Variants in ZCCHC7 observed in about 807,000 individuals in gnomAD.
ZCCHC7 encodes the protein zinc finger CCHC domain-containing protein 7.
In ZCCHC7, 35 loss-of-function variants were observed where a neutral mutation model predicts 52.0. That is an observed-to-expected ratio of 0.67 (90% CI 0.51 to 0.89). ZCCHC7 has a LOEUF of 0.89. Among genes scored for constraint, ZCCHC7 ranks in the 40% least tolerant of loss-of-function variants. The pLI is 0.00. For synonymous variants in ZCCHC7, 217 were observed against 221.5 expected (o/e 0.98, Z 0.18); for missense variants, 574 against 649.1 (o/e 0.88, Z 1.26).
At chr9:37,267,978 GC>G (rs1485790983) in intron 2 of ZCCHC7, among the ~76,000 whole-genome samples, 1 of 152,122 alleles carries the variant, frequency 6.6e-6, no homozygotes, top group Non-Finnish European at 1.5e-5. Flanking sequence ...ACAGGTGTGA[GC>G]CATTGGGCCC....
At chr9:37,333,314 T>G (rs931478604) in intron 6 of ZCCHC7, among the ~76,000 whole-genome samples, 1 of 151,722 alleles carries the variant, frequency 6.6e-6, no homozygotes, top group Non-Finnish European at 1.5e-5. Flanking sequence ...TACTCACTAG[T>G]CATCATGAAT....
intron 2 of ZCCHC7, among the ~76,000 whole-genome samples, chr9:37,292,745 T>C (rs1265693961): frequency 1.3e-5 from 2 of 152,206 alleles, no homozygotes; most frequent in Admixed American, 1.3e-4. Flanking sequence ...GTTTCTTACA[T>C]GGTATTTTAG....
chr9:37,184,570 A>G (rs1014058112), intron 2 of ZCCHC7, among the ~76,000 whole-genome samples: 14 of 152,138 alleles, frequency 9.2e-5, no homozygotes, highest in Non-Finnish European at 1.9e-4. Context: ...GGTATCAGTA[A>G]GGAAATACAT....
At chr9:37,208,306 G>A (rs1440260114) in intron 2 of ZCCHC7, among the ~76,000 whole-genome samples, 1 of 152,028 alleles carries the variant, frequency 6.6e-6, no homozygotes, top group East Asian at 1.9e-4. Context: ...GGCTGGTCTT[G>A]AACTCCTGAG....
intron 5 of ZCCHC7, 105 bp from the exon 6 acceptor site, chr9:37,327,694 A>G: frequency 1.6e-6 from 2 of 1,239,908 alleles, no homozygotes; most frequent in East Asian, 4.7e-5. Flanking sequence ...TAAGCTTCTT[A>G]TTTTCCTGTG....
intron 2 of ZCCHC7, among the ~76,000 whole-genome samples, chr9:37,190,847 T>A (rs1822979901): frequency 6.6e-6 from 1 of 151,924 alleles, no homozygotes; most frequent in Non-Finnish European, 1.5e-5. Context: ...GGAAAAACCC[T>A]GTCTCTACTA....
intron 2 of ZCCHC7, among the ~76,000 whole-genome samples, chr9:37,133,187 A>G (rs1343398846): frequency 6.6e-6 from 1 of 152,126 alleles, no homozygotes; most frequent in Non-Finnish European, 1.5e-5. Context: ...AAGTTTACGA[A>G]TTTGTGTTGG....
At chr9:37,346,319 A>G (rs1820970375) in intron 6 of ZCCHC7, among the ~76,000 whole-genome samples, 1 of 152,164 alleles carries the variant, frequency 6.6e-6, no homozygotes, top group South Asian at 2.1e-4. Flanking sequence ...AGATTTTTAT[A>G]ACCTATTTAT....
chr9:37,133,191 G>A (rs184842512), intron 2 of ZCCHC7, among the ~76,000 whole-genome samples: 49 of 152,222 alleles, frequency 3.2e-4, no homozygotes, highest in African/African-American at 1.2e-3. Context: ...TTACGAATTT[G>A]TGTTGGGCCA....
At chr9:37,281,631 T>C (rs1400359176) in intron 2 of ZCCHC7, among the ~76,000 whole-genome samples, 1 of 152,236 alleles carries the variant, frequency 6.6e-6, no homozygotes, top group African/African-American at 2.4e-5. Flanking sequence ...TTGAATCTCA[T>C]TTTGAGAGAT....
At chr9:37,210,252 G>C (rs530655633) in intron 2 of ZCCHC7, among the ~76,000 whole-genome samples, 1 of 152,090 alleles carries the variant, frequency 6.6e-6, no homozygotes, top group Non-Finnish European at 1.5e-5. Flanking sequence ...TGTGACTGCT[G>C]GCTGCCACTT....
At chr9:37,241,747 C>T (rs1825882439) in intron 2 of ZCCHC7, among the ~76,000 whole-genome samples, 1 of 151,638 alleles carries the variant, frequency 6.6e-6, no homozygotes, top group Non-Finnish European at 1.5e-5. Context: ...TCCTGAGTGC[C>T]CAGTGAGATA....
At chr9:37,186,820 A>G in intron 2 of ZCCHC7, 1 of 404,750 alleles carries the variant, frequency 2.5e-6, no homozygotes, top group East Asian at 3.7e-5. Context: ...GCACTTTTTC[A>G]AAGAATTTGT....
intron 2 of ZCCHC7, among the ~76,000 whole-genome samples, chr9:37,290,357 C>T (rs1449366014): frequency 6.6e-6 from 1 of 151,984 alleles, no homozygotes; most frequent in Non-Finnish European, 1.5e-5. Flanking sequence ...GTGTTTCTAA[C>T]TATTTGTAAG....
At chr9:37,198,478 T>C (rs2133142644) in intron 2 of ZCCHC7, among the ~76,000 whole-genome samples, 1 of 152,358 alleles carries the variant, frequency 6.6e-6, no homozygotes, top group African/African-American at 2.4e-5. Context: ...CAACTTGCTG[T>C]TATCCCTTCC....
chr9:37,278,616 G>A (rs988615150), intron 2 of ZCCHC7, among the ~76,000 whole-genome samples: 3 of 152,162 alleles, frequency 2.0e-5, no homozygotes, highest in East Asian at 3.8e-4. Context: ...CCCACATTTA[G>A]TGAAAGATGT....
chr9:37,178,399 T>A (rs1036315036), intron 2 of ZCCHC7, among the ~76,000 whole-genome samples: 139 of 27,492 alleles, frequency 5.1e-3, no homozygotes, highest in Middle Eastern at 0.025. Context: ...GGCCGCCCCC[T>A]ACCCCCCACC....
rs551484194 is a variant in ZCCHC7 at position 37,262,560 on chromosome 9, G to A, written c.611-39628G>A. Among the ~76,000 whole-genome samples the A allele has an allele frequency of 3.9e-5, 6 of 152,208 alleles. 1 individual carries two copies. The highest frequency in any genetic ancestry group is 9.6e-5 in the African/African-American group (4 of 41,536). ...CCCTTGTTTGCAAAGAAAGGGATTC[G>A]CGTCTTCACAGTTTACTCACAGCTG... On this transcript the variant is annotated intron_variant, in intron 2 of 8. Transcript: ENST00000336755.
intron 2 of ZCCHC7, among the ~76,000 whole-genome samples, chr9:37,241,738 C>T (rs572843178): frequency 6.6e-6 from 1 of 151,836 alleles, no homozygotes; most frequent in African/African-American, 2.4e-5. Flanking sequence ...GTATAGCTTT[C>T]CTGAGTGCCC....
Sources: gnomAD v4.1 joint callset for allele counts (sites outside exome capture counted in the v4.1 genomes callset) on GRCh38, gnomAD v4.1.1 for gene constraint, MANE v1.5 for transcripts, NCBI Gene and HGNC (gene_info 2026-07-23, HGNC 2026-07-21) for gene names.